Variants in UBR3 observed in about 807,000 individuals in gnomAD.
UBR3 encodes E3 ubiquitin-protein ligase UBR3.
Under a neutral mutation model 243.2 loss-of-function variants are expected in UBR3, and 85 were observed. The ratio of observed to expected loss-of-function variants is 0.35; its 90% CI spans 0.29 to 0.42. The LOEUF (loss-of-function observed/expected upper bound fraction) is 0.42, where lower values mean the gene tolerates loss of function less well. Ranked by LOEUF, UBR3 falls within the 10% of genes least tolerant of loss-of-function variation. UBR3 has a pLI of 1.00. For synonymous variants in UBR3, 748 were observed against 799.8 expected (o/e 0.94, Z 1.09); for missense variants, 1,686 against 2,300.8 (o/e 0.73, Z 5.47).
intron 1 of UBR3, among the ~76,000 whole-genome samples, chr2:169,845,648 C>A (rs957244973): frequency 2.7e-5 from 4 of 150,634 alleles, no homozygotes; most frequent in African/African-American, 9.8e-5. Flanking sequence ...CAGTGGTGCA[C>A]CATCTCAGCT....
chr2:169,868,291 C>A (rs1254679697), intron 1 of UBR3, among the ~76,000 whole-genome samples: 1 of 152,176 alleles, frequency 6.6e-6, no homozygotes, highest in Non-Finnish European at 1.5e-5. Flanking sequence ...TAGAGCGTTT[C>A]ATCTGTAAAT....
At chr2:169,953,705 T>G (rs2087138583) in intron 23 of UBR3, among the ~76,000 whole-genome samples, 1 of 152,222 alleles carries the variant, frequency 6.6e-6, no homozygotes, top group African/African-American at 2.4e-5. Context: ...AGCAGTTACA[T>G]TTGAGGTTTT....
At chr2:169,925,876 T>TA (rs1439181960) in intron 14 of UBR3, 129 bp downstream of exon 14, 1 of 910,400 alleles carries the variant, frequency 1.1e-6, no homozygotes, top group African/African-American at 1.7e-5. Flanking sequence ...ATTTTTTACT[T>TA]ACATTTCCCA....
chr2:169,903,966 C>T (rs1397712197), intron 8 of UBR3, among the ~76,000 whole-genome samples: 1 of 152,110 alleles, frequency 6.6e-6, no homozygotes, highest in Non-Finnish European at 1.5e-5. Flanking sequence ...GATATGATTT[C>T]CTTGACTGGA....
At chr2:169,947,090 T>G (rs983136021) in intron 21 of UBR3, among the ~76,000 whole-genome samples, 1 of 152,124 alleles carries the variant, frequency 6.6e-6, no homozygotes, top group Non-Finnish European at 1.5e-5. Flanking sequence ...CACTTTGTAG[T>G]TCTTTGTAGT....
In UBR3 at chr2:169,950,085, T is replaced by C. The variant is rs754853180; in HGVS notation, c.3545+20T>C. ...AGAAAGGTAATTTTTATTTTTAATGTTTTAAACGTGTGTATAGTTGAAAAT... is the reference window on the plus strand; with the variant it reads ...AGAAAGGTAATTTTTATTTTTAATGCTTTAAACGTGTGTATAGTTGAAAAT... On this transcript the variant is annotated intron_variant, in intron 23 of 38. Coordinates refer to ENST00000272793, the MANE Select transcript of UBR3 (RefSeq NM_172070.4). 44 of 1,525,442 alleles carry C rather than the reference T, an allele frequency of 2.9e-5. No homozygotes were observed. The highest frequency in any genetic ancestry group is 3.5e-5 in the Non-Finnish European group (40 of 1,140,218). 94.5% of individuals were successfully genotyped at this position (1,525,442 alleles called of 1,614,324 possible).
At chr2:169,992,470 T>A (rs1454653621) in intron 25 of UBR3, among the ~76,000 whole-genome samples, 4 of 152,238 alleles carry the variant, frequency 2.6e-5, no homozygotes, top group Admixed American at 1.3e-4. Context: ...TAGACCAATA[T>A]CCCTTATGAG....
chr2:169,942,262 A>G (rs1265340655), intron 19 of UBR3, among the ~76,000 whole-genome samples: 2 of 152,134 alleles, frequency 1.3e-5, no homozygotes, highest in Non-Finnish European at 2.9e-5. Flanking sequence ...TAAAGTTTAT[A>G]TATTTTTTAA....
At chr2:170,008,236 G>A (rs1194070648) in intron 28 of UBR3, among the ~76,000 whole-genome samples, 1 of 152,160 alleles carries the variant, frequency 6.6e-6, no homozygotes, top group African/African-American at 2.4e-5. Flanking sequence ...AGAAGTGACA[G>A]CTGTGTCTGG....
chr2:169,855,424 A>G (rs1457303691), intron 1 of UBR3, among the ~76,000 whole-genome samples: 1 of 151,918 alleles, frequency 6.6e-6, no homozygotes, highest in Non-Finnish European at 1.5e-5. Flanking sequence ...GTCATAGGAC[A>G]ATAGTGGAGG....
intron 35 of UBR3, among the ~76,000 whole-genome samples, chr2:170,066,268 T>A (rs1385656044): frequency 6.6e-6 from 1 of 152,184 alleles, no homozygotes; most frequent in Non-Finnish European, 1.5e-5. Context: ...TTGTTAAATA[T>A]CTTAGTCTAG....
chr2:170,054,254 G>A (rs940982185), intron 32 of UBR3, among the ~76,000 whole-genome samples: 1 of 151,680 alleles, frequency 6.6e-6, no homozygotes. Flanking sequence ...CAAGTAGCTA[G>A]GATGACAGGT....
chr2:170,057,189 C>T (rs977060760), intron 33 of UBR3, among the ~76,000 whole-genome samples: 2 of 150,588 alleles, frequency 1.3e-5, no homozygotes, highest in African/African-American at 4.9e-5. Flanking sequence ...GATCAGGGCT[C>T]ACTGCAGCCT....
intron 1 of UBR3, among the ~76,000 whole-genome samples, chr2:169,866,353 AGTTTTTTT>A (rs1181512746): frequency 1.2e-4 from 18 of 150,310 alleles, no homozygotes; most frequent in East Asian, 2.0e-4. Flanking sequence ...AGCTGGAAGA[AGTTTTTTT>A]GTTTTTTTGT....
chr2:170,011,135 T>A (rs2090070128), intron 29 of UBR3, among the ~76,000 whole-genome samples: 1 of 152,098 alleles, frequency 6.6e-6, no homozygotes, highest in South Asian at 2.1e-4. Flanking sequence ...ATTGAGCGAC[T>A]GCACTTCAGC....
intron 1 of UBR3, among the ~76,000 whole-genome samples, chr2:169,869,560 T>C (rs1233182998): frequency 2.0e-5 from 3 of 152,142 alleles, no homozygotes; most frequent in East Asian, 3.9e-4. Flanking sequence ...ATTTTTCTTA[T>C]GTAACCACAA....
intron 1 of UBR3, among the ~76,000 whole-genome samples, chr2:169,828,656 G>C (rs1349954808): frequency 1.3e-5 from 2 of 152,150 alleles, no homozygotes; most frequent in African/African-American, 2.4e-5. Context: ...AGTGACTGTT[G>C]AGCTGTCAGT....
At chr2:169,960,080 T>A (rs2087494906) in intron 24 of UBR3, among the ~76,000 whole-genome samples, 1 of 151,750 alleles carries the variant, frequency 6.6e-6, no homozygotes, top group Admixed American at 6.6e-5. Flanking sequence ...GTGAAACCCG[T>A]CTCTACTAAA....
At chr2:170,081,574 C>A in intron 38 of UBR3, 152 bp from the exon 39 acceptor site, 1 of 452,594 alleles carries the variant, frequency 2.2e-6, no homozygotes, top group Non-Finnish European at 3.9e-6. Context: ...CCTGTAATCC[C>A]AGCTACTCGA....
Sources: gnomAD v4.1 joint callset for allele counts (sites outside exome capture counted in the v4.1 genomes callset) on GRCh38, gnomAD v4.1.1 for gene constraint, MANE v1.5 for transcripts, NCBI Gene and HGNC (gene_info 2026-07-23, HGNC 2026-07-21) for gene names.